IL10RA: variants seen among roughly 807,000 people sequenced by gnomAD.
The protein encoded by IL10RA is interleukin-10 receptor subunit alpha.
In IL10RA, 18 loss-of-function variants were observed where a neutral mutation model predicts 29.6. The ratio of observed to expected loss-of-function variants is 0.61; its 90% CI spans 0.42 to 0.90. The LOEUF (loss-of-function observed/expected upper bound fraction) is 0.90, where lower values mean the gene tolerates loss of function less well. Among genes scored for constraint, IL10RA ranks in the 40% least tolerant of loss-of-function variants. IL10RA has a pLI of 0.00. For missense variants in IL10RA, 634 were observed against 716.6 expected, an observed-to-expected ratio of 0.88 and a Z score of 1.32; for synonymous variants, 292 against 294.1, an observed-to-expected ratio of 0.99 and a Z score of 0.07.
chr11:117,999,350 T>G lies in IL10RA; in HGVS notation c.1446T>G (p.Val482=), dbSNP rs1013786313. 4.3e-6 allele frequency: 7 copies of G among 1,614,070 alleles called. No homozygotes were observed. In the Admixed American group the frequency reaches 5.0e-5, roughly 12 times the overall value. Residue 482 remains valine, a synonymous_variant, in exon 7 of 7, where the codon GTT becomes GTG. Coordinates refer to ENST00000227752, the MANE Select transcript of IL10RA (RefSeq NM_001558.4). ...GCCCCAAATTCGGGAGATGCCTGGT[T>G]GATGAGGCAGGCTTGCATCCACCAG... is the stretch of plus-strand genomic sequence containing the variant. ...GLGPKFGRCL[V]DEAGLHPPAL...
downstream of IL10RA, chr11:118,001,992 C>T (rs2135001476): frequency 6.5e-6 from 1 of 154,844 alleles, no homozygotes; most frequent in African/African-American, 2.4e-5. Context: ...AACCTGGAAA[C>T]CCCTCCTTTC....
rs2058091278 is a variant in IL10RA, at chr11:118,000,900, G to C, written c.*1259G>C. 1 of 454,114 alleles carries C rather than the reference G, an allele frequency of 2.2e-6. No individual in the cohort carries two copies. Among genetic ancestry groups the C allele is most frequent in the South Asian group, 1.6e-5 (1 of 64,480 alleles). 28.1% of individuals were successfully genotyped at this position (454,114 alleles called of 1,614,324 possible). A position where few individuals can be genotyped will look rare whatever the true frequency, so the allele number is the denominator to read the frequency against. On this transcript the variant is annotated 3_prime_UTR_variant, in exon 7 of 7. Transcript: ENST00000227752. ...CACAGCCCCAGAAGGGGGCATTATGGGCCCTGCCTCCCCATAGGCCATTTG... is the reference window on the plus strand; with the variant it reads ...CACAGCCCCAGAAGGGGGCATTATGCGCCCTGCCTCCCCATAGGCCATTTG...
rs1484457518 is a variant in IL10RA at position 117,999,885 on chromosome 11, G to A, written c.*244G>A. The A allele has an allele frequency of 1.5e-6, 1 of 669,088 alleles. No homozygotes were observed. Among genetic ancestry groups the A allele is most frequent in the East Asian group, 2.9e-5 (1 of 34,510 alleles). The allele number at this position is 669,088 out of a possible 1,614,324, so 41.4% of individuals were successfully genotyped here. A position where few individuals can be genotyped will look rare whatever the true frequency, so the allele number is the denominator to read the frequency against. The stretch of plus-strand genomic sequence containing the variant: ...GACCTGTTCTGTTGACTGGGGCCCT[G>A]CAGACTCTGGCAGAGCTGAGAAGGG... On this transcript the variant is annotated 3_prime_UTR_variant, in exon 7 of 7. Coordinates refer to ENST00000227752, the MANE Select transcript of IL10RA (RefSeq NM_001558.4).
Position 117,999,562 on chromosome 11 carries a change from C to G in IL10RA, c.1658C>G (p.Ala553Gly). 1 of 1,614,072 alleles carries G rather than the reference C, an allele frequency of 6.2e-7. No individual in the cohort carries two copies. Among genetic ancestry groups the G allele is most frequent in the Non-Finnish European group, 8.5e-7 (1 of 1,179,950 alleles). The stretch of plus-strand genomic sequence containing the variant: ...CTTGCCCCTCTAGGCTGTGTGGCAG[C>G]CCCAGGTGGTCTCCTGGGCAGCTTT... ...HDLAPLGCVAAPGGLLGSFNS... is the reference protein window; with the variant it reads ...HDLAPLGCVAGPGGLLGSFNS... The change falls in exon 7 of 7, where the codon GCC (alanine) becomes GGC (glycine). Residue 553 changes from alanine to glycine, a missense_variant. By Grantham distance (60) the Ala-to-Gly change is moderately conservative. Coordinates refer to ENST00000227752, the MANE Select transcript of IL10RA (RefSeq NM_001558.4).
At position 117,993,390 on chromosome 11, in the gene IL10RA, A is replaced by G. The variant is rs1213366682; in HGVS notation, c.517A>G (p.Lys173Glu). Residue 173 changes from lysine (K) to glutamate (E), a missense_variant, in exon 4 of 7, where the codon AAG becomes GAG. Physicochemically the swap from Lys to Glu is moderately conservative, Grantham distance 56 (BLOSUM62 1). Coordinates refer to ENST00000227752, the MANE Select transcript of IL10RA (RefSeq NM_001558.4). ...CCGAGAGTATGAGATTGCCATTCGC[A>G]AGGTGCCGGGAAACTTCACGGTATG... ...HFREYEIAIR[K>E]VPGNFTFTHK... 7 of 1,614,096 alleles carry G rather than the reference A, an allele frequency of 4.3e-6. No homozygotes were observed. The South Asian group carries it at 5.5e-5, about 13-fold the overall frequency.
intron 6 of IL10RA, 89 bp from the exon 7 acceptor site, chr11:117,998,626 C>G: frequency 8.9e-7 from 1 of 1,117,632 alleles, no homozygotes; most frequent in South Asian, 1.3e-5. Flanking sequence ...CCATCGAGCT[C>G]TCCTCCTGGG....
intron 6 of IL10RA, among the ~76,000 whole-genome samples, chr11:117,997,727 T>A (rs1035855173): frequency 6.6e-6 from 1 of 152,146 alleles, no homozygotes; most frequent in African/African-American, 2.4e-5. Context: ...TAAGTGAGTG[T>A]GTGTATGGTG....
At position 117,986,542 on chromosome 11, in the gene IL10RA, T is replaced by C. The variant is rs200992970; in HGVS notation, c.67+8T>C. The C allele has an allele frequency of 2.4e-3, 3,767 of 1,552,560 alleles. 10 individuals are homozygous for C. The highest frequency in any genetic ancestry group is 2.9e-3 in the Non-Finnish European group (3,367 of 1,147,710). On this transcript the variant is annotated splice_region_variant and intron_variant, in intron 1 of 6. Coordinates refer to ENST00000227752, the MANE Select transcript of IL10RA (RefSeq NM_001558.4). ...TTGGCTCAGACGCTCATGGTAAGGC[T>C]CCGGGACGCGGCCCTTCCCTGCCCT...
intron 6 of IL10RA, 145 bp downstream of exon 6, chr11:117,995,855 A>G: frequency 1.1e-6 from 1 of 874,628 alleles, no homozygotes; most frequent in South Asian, 1.4e-5. Context: ...AGATACCTTC[A>G]TCAAGCGCTG....
At position 117,996,730 on chromosome 11, in the gene IL10RA, A is replaced by G. The variant is rs545317960; in HGVS notation, c.810+1020A>G. 3.1e-4 allele frequency among the ~76,000 whole-genome samples: 47 copies of G among 152,340 alleles called. 2 individuals carry two copies. In the South Asian group the frequency reaches 9.3e-3, roughly 30 times the overall value. On this transcript the variant is annotated intron_variant, in intron 6 of 6. Coordinates refer to ENST00000227752, the MANE Select transcript of IL10RA (RefSeq NM_001558.4). ...CTTAGCCTCCCGAGTAGCTGGGATT[A>G]CAGGCATCTGCCACCATGCCTGGCT...
rs1217306143 is a variant in IL10RA at position 118,000,270 on chromosome 11, C to A, written c.*629C>A. On this transcript the variant is annotated 3_prime_UTR_variant, in exon 7 of 7. Coordinates refer to ENST00000227752, the MANE Select transcript of IL10RA (RefSeq NM_001558.4). ...TCATAATGGATTCACTGAGGGGAGA[C>A]AAAGGGAGCCGAGACCCTGGATGGG... The A allele has an allele frequency of 2.2e-6, 1 of 454,220 alleles. No individual in the cohort carries two copies. The highest frequency in any genetic ancestry group is 4.4e-6 in the Non-Finnish European group (1 of 226,788). 28.1% of individuals were successfully genotyped at this position (454,220 alleles called of 1,614,324 possible). A position where few individuals can be genotyped will look rare whatever the true frequency, so the allele number is the denominator to read the frequency against.
intron 1 of IL10RA, 106 bp from the exon 2 acceptor site, chr11:117,988,276 C>CG (rs1284174357): frequency 6.8e-7 from 1 of 1,468,794 alleles, no homozygotes; most frequent in East Asian, 2.3e-5. Flanking sequence ...CCGCTGGCCT[C>CG]GGGCGAGTCA....
chr11:117,995,582 C>A lies in IL10RA; in HGVS notation c.689-7C>A. 1.2e-6 allele frequency: 2 copies of A among 1,614,162 alleles called. No homozygotes were observed. The highest frequency in any genetic ancestry group is 4.5e-5 in the East Asian group (2 of 44,884). On this transcript the variant is annotated splice_polypyrimidine_tract_variant and splice_region_variant and intron_variant, in intron 5 of 6. Transcript: ENST00000227752. ...CAGGCCACAAACACATCTCTCTGGG[C>A]CTGCAGATTTCACCGTGACCAACGT...
intron 1 of IL10RA, chr11:117,987,191 A>G (rs1303791351): frequency 1.4e-5 from 4 of 285,324 alleles, no homozygotes; most frequent in Non-Finnish European, 2.8e-5. Flanking sequence ...AGAGACAGAG[A>G]GCAAGGACCG....
chr11:118,001,375 G>T lies in IL10RA; in HGVS notation c.*1734G>T, dbSNP rs760686369. 1.5e-4 allele frequency: 70 copies of T among 453,910 alleles called. No homozygotes were observed. Among genetic ancestry groups the T allele is most frequent in the African/African-American group, 1.4e-3 (68 of 49,962 alleles). 28.1% of individuals were successfully genotyped at this position (453,910 alleles called of 1,614,324 possible). On this transcript the variant is annotated 3_prime_UTR_variant, in exon 7 of 7. Coordinates refer to ENST00000227752, the MANE Select transcript of IL10RA (RefSeq NM_001558.4). ...AATGACTGACTTGTCTAATTCGTAG[G>T]GATGTGAGGTTCTGCTGAGGAAATG...
chr11:118,001,181 T>C lies in IL10RA; in HGVS notation c.*1540T>C, dbSNP rs912029008. On this transcript the variant is annotated 3_prime_UTR_variant, in exon 7 of 7. Coordinates refer to ENST00000227752, the MANE Select transcript of IL10RA (RefSeq NM_001558.4). ...CCTCAGGGTTCCCTTGAAAGCTTTA[T>C]TTATTTATTTTGTTCATTTATTTAT... 4 of 454,096 alleles carry C rather than the reference T, an allele frequency of 8.8e-6. No individual in the cohort carries two copies. In the East Asian group the frequency reaches 2.1e-4, roughly 23 times the overall value. The allele number at this position is 454,096 out of a possible 1,614,324, so 28.1% of individuals were successfully genotyped here.
Position 117,988,460 on chromosome 11 carries a change from C to T in IL10RA, c.146C>T (p.Pro49Leu). The T allele has an allele frequency of 6.2e-7, 1 of 1,614,126 alleles. No individual in the cohort carries two copies. The highest frequency in any genetic ancestry group is 8.5e-7 in the Non-Finnish European group (1 of 1,179,976). The change falls in exon 2 of 7, where the codon CCA (proline) becomes CTA (leucine). Residue 49 changes from proline (P) to leucine (L), a missense_variant. Coordinates refer to ENST00000227752, the MANE Select transcript of IL10RA (RefSeq NM_001558.4). ...CACATCCTCCACTGGACACCCATCCCAAATCAGTCTGAAAGTACCTGCTAT... is the reference window on the plus strand; with the variant it reads ...CACATCCTCCACTGGACACCCATCCTAAATCAGTCTGAAAGTACCTGCTAT... ...FHHILHWTPI[P>L]NQSESTCYEV...
chr11:117,993,990 T>C lies in IL10RA; in HGVS notation c.538-9T>C. 6.2e-7 allele frequency: 1 copy of C among 1,613,110 alleles called. No individual in the cohort carries two copies. The highest frequency in any genetic ancestry group is 1.7e-5 in the Admixed American group (1 of 60,034). ...AGGATTTTGTTAATTGCTATCATTT[T>C]TGTTTCAGTTCACACACAAGAAAGT... On this transcript the variant is annotated splice_polypyrimidine_tract_variant and intron_variant, in intron 4 of 6. Transcript: ENST00000227752.
In IL10RA at chr11:117,989,518, G is replaced by A; in HGVS notation, c.265G>A (p.Asp89Asn). ...CTATGACCTTACCGCAGTGACCTTG[G>A]ACCTGTACCACAGCAATGGCTACCG... ...LSYDLTAVTL[D>N]LYHSNGYRAR... The change falls in exon 3 of 7, where the codon GAC becomes AAC. Residue 89 changes from aspartate (D) to asparagine (N), a missense_variant. By Grantham distance (23) the Asp-to-Asn change is conservative. Coordinates refer to ENST00000227752, the MANE Select transcript of IL10RA (RefSeq NM_001558.4). This position sits in a 1 kb window ranked among gnomAD's most constrained non-coding sequence, Gnocchi z 4.5. 6.2e-7 allele frequency: 1 copy of A among 1,614,154 alleles called. No individual in the cohort carries two copies.
Sources: gnomAD v4.1 joint callset for allele counts (sites outside exome capture counted in the v4.1 genomes callset) on GRCh38, gnomAD v4.1.1 for gene constraint, Gnocchi (gnomAD v3.1) non-coding constraint, MANE v1.5 for transcripts, NCBI Gene and HGNC (gene_info 2026-07-23, HGNC 2026-07-21) for gene names.